DOCK7: variants seen among roughly 807,000 people sequenced by gnomAD.
DOCK7 encodes the protein dedicator of cytokinesis 7.
In DOCK7, 138 loss-of-function variants were observed where a neutral mutation model predicts 271.0. The ratio of observed to expected loss-of-function variants is 0.51; its 90% CI spans 0.44 to 0.59. DOCK7 has a LOEUF of 0.59. Among genes scored for constraint, DOCK7 ranks in the 20% least tolerant of loss-of-function variants. DOCK7 has a pLI of 0.00. For synonymous variants in DOCK7, 823 were observed against 876.1 expected, an observed-to-expected ratio of 0.94 and a Z score of 1.07; for missense variants, 2,066 against 2,592.4, an observed-to-expected ratio of 0.80 and a Z score of 4.41.
At chr1:62,550,038 A>G (rs556916006) in intron 22 of DOCK7, among the ~76,000 whole-genome samples, 13 of 152,306 alleles carry the variant, frequency 8.5e-5, no homozygotes, top group African/African-American at 2.9e-4. Context: ...GCCATTGTAT[A>G]TATGTACCAC....
intron 37 of DOCK7, 85 bp from the exon 38 acceptor site, chr1:62,496,582 A>G: frequency 7.5e-7 from 1 of 1,328,704 alleles, no homozygotes. Flanking sequence ...AAGTATATTT[A>G]GTGAAAAAAT....
intron 2 of DOCK7, among the ~76,000 whole-genome samples, chr1:62,658,437 G>A (rs142730306): frequency 0.017 from 2,637 of 152,078 alleles, 77 homozygotes; most frequent in African/African-American, 0.06. Flanking sequence ...TCCAGTCTGG[G>A]GGACAGAGCG....
Position 62,510,681 on chromosome 1 carries a change from A to G in DOCK7, c.4283-8T>C, listed in dbSNP as rs1405095338. 1 of 1,609,488 alleles carries G rather than the reference A, an allele frequency of 6.2e-7. No homozygotes were observed. The highest frequency in any genetic ancestry group is 8.5e-7 in the Non-Finnish European group (1 of 1,177,246). On this transcript the variant is annotated splice_polypyrimidine_tract_variant and splice_region_variant and intron_variant, in intron 33 of 49. Transcript: ENST00000635253. ...TTCCAGATGGGCTTCTCTCTGTCAAATAAATTTCAAAACCAATTTTCAAAT... is the reference window on the plus strand; with the variant it reads ...TTCCAGATGGGCTTCTCTCTGTCAAGTAAATTTCAAAACCAATTTTCAAAT...
chr1:62,573,522 A>C (rs1646850312), intron 18 of DOCK7, among the ~76,000 whole-genome samples: 2 of 152,240 alleles, frequency 1.3e-5, no homozygotes, highest in Non-Finnish European at 2.9e-5. Flanking sequence ...TATAAAGCAG[A>C]GAAAGTGAAT....
intron 29 of DOCK7, among the ~76,000 whole-genome samples, chr1:62,532,319 G>A (rs907696827): frequency 3.3e-5 from 5 of 152,090 alleles, no homozygotes; most frequent in African/African-American, 7.2e-5. Flanking sequence ...GTAGGTGTGA[G>A]CCACCATGCC....
chr1:62,597,858 G>GA (rs747864758), intron 14 of DOCK7: 1 of 1,599,226 alleles, frequency 6.3e-7, no homozygotes, highest in East Asian at 2.2e-5. Flanking sequence ...AGAAGAAAAG[G>GA]AACTGAGAAG....
intron 7 of DOCK7, among the ~76,000 whole-genome samples, chr1:62,636,859 G>T (rs1479189897): frequency 6.6e-6 from 1 of 152,094 alleles, no homozygotes; most frequent in Non-Finnish European, 1.5e-5. Flanking sequence ...AAAGCCTAAT[G>T]ACATATTATG....
intron 48 of DOCK7, among the ~76,000 whole-genome samples, chr1:62,471,620 C>T (rs562978452): frequency 7.9e-5 from 12 of 152,202 alleles, no homozygotes; most frequent in African/African-American, 2.7e-4. Context: ...TGTCACTGCA[C>T]TACAGAGTCT....
intron 12 of DOCK7, chr1:62,625,019 T>G (rs999524824): frequency 2.9e-6 from 1 of 340,868 alleles, no homozygotes; most frequent in African/African-American, 2.1e-5. Context: ...AAGATGGATT[T>G]TGATGCATTA....
At chr1:62,476,031 G>T in intron 45 of DOCK7, 36 bp downstream of exon 45, 5 of 1,599,222 alleles carry the variant, frequency 3.1e-6, no homozygotes, top group Non-Finnish European at 4.3e-6. Flanking sequence ...ATTTCAAAGA[G>T]ATGTCTATAT....
At chr1:62,626,987 T>A (rs888533237) in intron 11 of DOCK7, among the ~76,000 whole-genome samples, 2 of 152,098 alleles carry the variant, frequency 1.3e-5, no homozygotes, top group Non-Finnish European at 2.9e-5. Flanking sequence ...GCAAAAATCC[T>A]GAACAAAATA....
At chr1:62,647,856 A>T in intron 6 of DOCK7, 80 bp from the exon 7 acceptor site, 1 of 1,068,932 alleles carries the variant, frequency 9.4e-7, no homozygotes. Flanking sequence ...TTACTTTACT[A>T]ATCTAACACT....
intron 37 of DOCK7, 102 bp from the exon 38 acceptor site, chr1:62,496,599 C>G (rs1374660975): frequency 9.2e-7 from 1 of 1,089,444 alleles, no homozygotes; most frequent in African/African-American, 1.6e-5. Context: ...AAATACCATT[C>G]TAAGCAAAAT....
At chr1:62,539,473 G>T in intron 27 of DOCK7, 72 bp downstream of exon 27, 2 of 1,294,242 alleles carry the variant, frequency 1.5e-6, no homozygotes, top group Non-Finnish European at 2.1e-6. Flanking sequence ...AGGTCTCTTA[G>T]CTCTAACTTT....
intron 18 of DOCK7, among the ~76,000 whole-genome samples, chr1:62,574,951 G>C (rs1014523577): frequency 5.3e-5 from 8 of 151,972 alleles, no homozygotes; most frequent in African/African-American, 9.7e-5. Context: ...TGATGTTCTT[G>C]AACTGCTGAC....
intron 18 of DOCK7, among the ~76,000 whole-genome samples, chr1:62,573,214 G>GA (rs1557740173): frequency 6.6e-6 from 1 of 152,134 alleles, no homozygotes; most frequent in African/African-American, 2.4e-5. Context: ...ATCAAGAAAA[G>GA]AAAAGAGAAA....
chr1:62,612,756 C>T (rs1651951011), intron 14 of DOCK7, among the ~76,000 whole-genome samples: 1 of 152,160 alleles, frequency 6.6e-6, no homozygotes, highest in Non-Finnish European at 1.5e-5. Context: ...TTGTTTCTCA[C>T]CCTGACAGTT....
At chr1:62,686,839 T>C (rs556487349) in intron 1 of DOCK7, among the ~76,000 whole-genome samples, 25 of 151,452 alleles carry the variant, frequency 1.7e-4, no homozygotes, top group African/African-American at 6.1e-4. Context: ...CTTGCTATTT[T>C]GCCCCTTCAG....
At chr1:62,562,233 C>CTTTTTTTTTTTTTTTT (rs59893499) in intron 18 of DOCK7, among the ~76,000 whole-genome samples, 7 of 121,214 alleles carry the variant, frequency 5.8e-5, no homozygotes, top group Non-Finnish European at 9.9e-5. Flanking sequence ...GATCCAAAAA[C>CTTTTTTTTTTTTTTTT]TTTTTTTTTT....
Sources: allele counts gnomAD v4.1 joint callset (sites outside exome capture counted in the v4.1 genomes callset), GRCh38; gene constraint gnomAD v4.1.1; transcripts MANE v1.5; gene names NCBI Gene and HGNC (gene_info 2026-07-23, HGNC 2026-07-21).